The following CEP126 variants were observed in gnomAD, a reference collection of about 807,000 sequenced individuals.
CEP126 encodes the protein centrosomal protein of 126 kDa.
Under a neutral mutation model 107.8 loss-of-function variants are expected in CEP126, and 74 were observed. The ratio of observed to expected loss-of-function variants is 0.69; its 90% CI spans 0.57 to 0.83. CEP126 has a LOEUF of 0.83. CEP126 is among the 40% of genes least tolerant of loss of function. The probability of loss-of-function intolerance (pLI) is 0.00; values close to 1 mark genes in which losing one functional copy is unlikely to be tolerated. For synonymous variants in CEP126, 449 were observed against 446.0 expected (o/e 1.01, Z -0.08); for missense variants, 1,237 against 1,281.9 (o/e 0.96, Z 0.53).
intron 8 of CEP126, among the ~76,000 whole-genome samples, chr11:101,986,254 A>AT (rs1941315603): frequency 6.6e-6 from 1 of 152,266 alleles, no homozygotes; most frequent in East Asian, 1.9e-4. Context: ...AGGTGCTGGG[A>AT]TTAGAGGCAT....
intron 2 of CEP126, among the ~76,000 whole-genome samples, chr11:101,931,561 CTTT>C (rs961724992): frequency 6.6e-6 from 1 of 151,924 alleles, no homozygotes; most frequent in Non-Finnish European, 1.5e-5. Context: ...ATCCAACTGC[CTTT>C]TTTAACTTTC....
chr11:101,994,324 T>C (rs190322954), intron 10 of CEP126, among the ~76,000 whole-genome samples: 13 of 152,368 alleles, frequency 8.5e-5, no homozygotes, highest in Non-Finnish European at 5.9e-5. Flanking sequence ...AGGTTGTCTG[T>C]CTACTCTGTT....
intron 1 of CEP126, among the ~76,000 whole-genome samples, chr11:101,920,642 T>C (rs933455299): frequency 2.0e-5 from 3 of 151,882 alleles, no homozygotes; most frequent in Non-Finnish European, 4.4e-5. Flanking sequence ...CTCGCTGTGT[T>C]GCCCAGGCTG....
chr11:101,982,413 A>G (rs150622590), intron 8 of CEP126, among the ~76,000 whole-genome samples: 3 of 152,350 alleles, frequency 2.0e-5, no homozygotes, highest in Admixed American at 1.3e-4. Flanking sequence ...AACTTGAGGT[A>G]GAATCTTTTC....
intron 2 of CEP126, among the ~76,000 whole-genome samples, chr11:101,929,528 T>C (rs1173597484): frequency 6.6e-6 from 1 of 152,114 alleles, no homozygotes; most frequent in Non-Finnish European, 1.5e-5. Flanking sequence ...GTGGTCTCCA[T>C]TGATACCACA....
intron 3 of CEP126, 109 bp from the exon 4 acceptor site, chr11:101,947,922 T>C: frequency 2.2e-6 from 1 of 454,282 alleles, no homozygotes; most frequent in Non-Finnish European, 3.8e-6. Context: ...TATTTTATTT[T>C]TACAAAAGTT....
chr11:101,993,395 CT>C (rs1196546249), intron 10 of CEP126, among the ~76,000 whole-genome samples: 2 of 152,128 alleles, frequency 1.3e-5, no homozygotes, highest in South Asian at 4.1e-4. Context: ...TGATCTTGGT[CT>C]TTTTTATGGC....
intron 2 of CEP126, among the ~76,000 whole-genome samples, chr11:101,923,300 A>G (rs1381285304): frequency 1.3e-5 from 2 of 152,212 alleles, no homozygotes; most frequent in African/African-American, 4.8e-5. Context: ...AGTGAATGCT[A>G]GAAAAAGGAG....
intron 9 of CEP126, among the ~76,000 whole-genome samples, chr11:101,987,992 C>T (rs766624431): frequency 2.1e-4 from 32 of 150,438 alleles, no homozygotes; most frequent in Non-Finnish European, 2.8e-4. Context: ...TAACTTAATC[C>T]GTAATGAAAA....
chr11:101,922,845 A>T, intron 2 of CEP126, 85 bp downstream of exon 2: 1 of 1,066,094 alleles, frequency 9.4e-7, no homozygotes. Context: ...CACTTTATGA[A>T]ACTAAGTCAT....
intron 5 of CEP126, among the ~76,000 whole-genome samples, chr11:101,960,112 T>A (rs1364589803): frequency 6.6e-6 from 1 of 151,734 alleles, no homozygotes; most frequent in African/African-American, 2.4e-5. Flanking sequence ...AAAAATCAGA[T>A]TAAAGCCAGA....
chr11:101,937,545 G>A (rs970523395), intron 2 of CEP126, among the ~76,000 whole-genome samples: 2 of 152,100 alleles, frequency 1.3e-5, no homozygotes, highest in African/African-American at 4.8e-5. Context: ...ATTTTGTGAA[G>A]GATTTTTGTG....
chr11:101,993,415 A>G (rs537009377), intron 10 of CEP126, among the ~76,000 whole-genome samples: 23 of 152,272 alleles, frequency 1.5e-4, no homozygotes, highest in Admixed American at 3.9e-4. Context: ...GCTGCATAGT[A>G]TTCCATGGTG....
intron 1 of CEP126, among the ~76,000 whole-genome samples, chr11:101,919,202 T>G (rs895339272): frequency 6.6e-6 from 1 of 152,122 alleles, no homozygotes; most frequent in Non-Finnish European, 1.5e-5. Context: ...GCAAGGGATT[T>G]AGAGTACCTG....
chr11:101,996,200 CAG>C (rs1941439054), intron 10 of CEP126, among the ~76,000 whole-genome samples: 1 of 152,236 alleles, frequency 6.6e-6, no homozygotes. Flanking sequence ...TTCAGAAAAG[CAG>C]AGTCGTTCCA....
chr11:101,942,944 A>T (rs1254591485), intron 2 of CEP126, among the ~76,000 whole-genome samples: 2 of 151,920 alleles, frequency 1.3e-5, no homozygotes, highest in Non-Finnish European at 2.9e-5. Flanking sequence ...ACTGGTTTAT[A>T]TGTGTTGATT....
chr11:101,941,965 T>G (rs551146862), intron 2 of CEP126, among the ~76,000 whole-genome samples: 1 of 152,254 alleles, frequency 6.6e-6, no homozygotes, highest in East Asian at 1.9e-4. Context: ...GAAATTTCTG[T>G]TCAAGTCTTT....
intron 9 of CEP126, among the ~76,000 whole-genome samples, chr11:101,990,189 C>T (rs1941361822): frequency 6.6e-6 from 1 of 151,882 alleles, no homozygotes; most frequent in South Asian, 2.1e-4. Flanking sequence ...GATTCTTCTC[C>T]GTGGATCTAC....
At chr11:101,937,622 CATAGTT>C (rs1940601161) in intron 2 of CEP126, among the ~76,000 whole-genome samples, 1 of 152,090 alleles carries the variant, frequency 6.6e-6, no homozygotes, top group Non-Finnish European at 1.5e-5. Context: ...GTTTTGGAAT[CATAGTT>C]ATGCTGGCCT....
Sources: allele counts gnomAD v4.1 joint callset (sites outside exome capture counted in the v4.1 genomes callset), GRCh38; gene constraint gnomAD v4.1.1; transcripts MANE v1.5; gene names NCBI Gene and HGNC (gene_info 2026-07-23, HGNC 2026-07-21).